PCYT1B: variants seen among roughly 807,000 people sequenced by gnomAD.
The protein encoded by PCYT1B is choline-phosphate cytidylyltransferase B.
In PCYT1B, 10 loss-of-function variants were observed where a neutral mutation model predicts 26.4. The observed-to-expected ratio is 0.38, with a 90% confidence interval of 0.23 to 0.64. The LOEUF (loss-of-function observed/expected upper bound fraction) is 0.64, where lower values mean the gene tolerates loss of function less well. PCYT1B is among the 30% of genes least tolerant of loss of function. The probability of loss-of-function intolerance (pLI) is 0.56; values close to 1 mark genes in which losing one functional copy is unlikely to be tolerated. For synonymous variants in PCYT1B, 131 were observed against 108.4 expected (o/e 1.21, Z -1.29); for missense variants, 161 against 292.7 (o/e 0.55, Z 3.28).
rs772905082 is a variant in PCYT1B at position 24,653,857 on chromosome X, C to T, written c.63+18713G>A. Among the ~76,000 whole-genome samples, 26 of 108,350 alleles carry T rather than the reference C, an allele frequency of 2.4e-4. No individual in the cohort carries two copies. In the South Asian group the frequency reaches 2.4e-3, roughly 10 times the overall value. The allele number at this position is 108,350 out of a possible 115,157, so 94.1% of individuals were successfully genotyped here. A position where few individuals can be genotyped will look rare whatever the true frequency, so the allele number is the denominator to read the frequency against. On this transcript the variant is annotated intron_variant, in intron 1 of 7. Transcript: ENST00000379145. The stretch of plus-strand genomic sequence containing the variant: ...GCAACTTCTGCCTCCTGGTTTCAAG[C>T]GATTCTCCTGCTTCAGCCTCCCAAG...
At chrX:24,671,222 G>C (rs1311888050) in intron 1 of PCYT1B, among the ~76,000 whole-genome samples, 4 of 110,793 alleles carry the variant, frequency 3.6e-5, no homozygotes, top group Non-Finnish European at 5.7e-5. Context: ...CGCCTGCCTA[G>C]GTCTCCCAAA....
chrX:24,629,578 AAAAAAAAAAAAAC>A (rs1399711152), intron 1 of PCYT1B, among the ~76,000 whole-genome samples: 66 of 100,029 alleles, frequency 6.6e-4, no homozygotes, highest in Non-Finnish European at 1.1e-3. Context: ...AAAAAAAAAA[AAAAAAAAAAAAAC>A]AACACGTATT....
intron 5 of PCYT1B, among the ~76,000 whole-genome samples, chrX:24,583,346 C>T (rs1174251712): frequency 1.8e-5 from 2 of 111,613 alleles, no homozygotes; most frequent in Non-Finnish European, 3.8e-5. Flanking sequence ...CGTAAGTGTA[C>T]CACCTGGGAG....
chrX:24,648,922 T>C (rs1926708393), upstream of PCYT1B, among the ~76,000 whole-genome samples: 1 of 111,625 alleles, frequency 9.0e-6, no homozygotes, highest in Non-Finnish European at 1.9e-5. Context: ...TATGCTAATA[T>C]AAGGGGACAT....
intron 2 of PCYT1B, among the ~76,000 whole-genome samples, chrX:24,616,405 T>G (rs1285283107): frequency 3.7e-5 from 4 of 109,411 alleles, no homozygotes; most frequent in African/African-American, 1.3e-4. Flanking sequence ...GCCTGGCTAA[T>G]TTTTTGTATT....
At chrX:24,629,231 C>G (rs1292832896) in intron 1 of PCYT1B, among the ~76,000 whole-genome samples, 2 of 111,635 alleles carry the variant, frequency 1.8e-5, no homozygotes, top group Non-Finnish European at 3.8e-5. Flanking sequence ...AAAACTAAAA[C>G]AAGAGCACAG....
chrX:24,621,870 T>C (rs1925710423), intron 1 of PCYT1B: 2 of 724,445 alleles, frequency 2.8e-6, no homozygotes, highest in African/African-American at 4.7e-5. Flanking sequence ...GGTGTGTTCT[T>C]GATGGTGTGA....
chrX:24,636,803 C>T (rs983847188), intron 1 of PCYT1B, among the ~76,000 whole-genome samples: 10 of 111,643 alleles, frequency 9.0e-5, no homozygotes, highest in Non-Finnish European at 1.5e-4. Flanking sequence ...AATCATGTGG[C>T]GCATATTAGT....
intron 2 of PCYT1B, among the ~76,000 whole-genome samples, chrX:24,611,834 G>A (rs1348528744): frequency 2.7e-5 from 3 of 110,389 alleles, no homozygotes; most frequent in Non-Finnish European, 3.8e-5. Flanking sequence ...TTAGCCTGGC[G>A]TGGTGGCGGA....
rs1923423018 is a variant in PCYT1B at position 24,561,730 on chromosome X, A to G, written c.*563T>C. 1 of 217,497 alleles carries G rather than the reference A, an allele frequency of 4.6e-6. No homozygotes were observed. The allele number at this position is 217,497 out of a possible 1,213,427, so 17.9% of individuals were successfully genotyped here. Reference sequence around the variant, plus strand: ...AAGCAAGGCTTTGTCTATGAGCCACATTCATGGAACTGGAAGGAGCTGATG... The same window carrying G: ...AAGCAAGGCTTTGTCTATGAGCCACGTTCATGGAACTGGAAGGAGCTGATG... On this transcript the variant is annotated 3_prime_UTR_variant, in exon 8 of 8. Coordinates refer to ENST00000379144, the MANE Select transcript of PCYT1B (RefSeq NM_004845.5).
At chrX:24,670,097 AAAGAAAGAAAGAAAGAAAGG>A (rs1454814162) in intron 1 of PCYT1B, among the ~76,000 whole-genome samples, 47 of 68,898 alleles carry the variant, frequency 6.8e-4, no homozygotes, top group East Asian at 3.8e-3. Flanking sequence ...AGAAAGAAAG[AAAGAAAGAAAGAAAGAAAGG>A]AAGGAAGGAA....
intron 3 of PCYT1B, among the ~76,000 whole-genome samples, chrX:24,598,084 G>C (rs945616390): frequency 8.9e-6 from 1 of 111,863 alleles, no homozygotes; most frequent in African/African-American, 3.2e-5. Flanking sequence ...TCTTAGAAAT[G>C]TGACTAGAAT....
chrX:24,647,658 T>C (rs1404805527), upstream of PCYT1B, among the ~76,000 whole-genome samples: 1 of 112,433 alleles, frequency 8.9e-6, no homozygotes, highest in Non-Finnish European at 1.9e-5. Context: ...GATGAGCTAG[T>C]GCATGATGTG....
At chrX:24,567,555 C>A (rs1923672173) in intron 7 of PCYT1B, among the ~76,000 whole-genome samples, 1 of 112,273 alleles carries the variant, frequency 8.9e-6, no homozygotes, top group African/African-American at 3.2e-5. Context: ...TAAGAGGTTT[C>A]CATTTATAAT....
chrX:24,635,271 TA>T (rs762784026), intron 1 of PCYT1B, among the ~76,000 whole-genome samples: 1 of 111,763 alleles, frequency 8.9e-6, no homozygotes, highest in Non-Finnish European at 1.9e-5. Context: ...CATGCTACAG[TA>T]AAACTAGCTG....
chrX:24,605,579 C>G (rs749487534), intron 3 of PCYT1B, among the ~76,000 whole-genome samples: 89 of 112,002 alleles, frequency 7.9e-4, no homozygotes, highest in Non-Finnish European at 1.4e-3. Context: ...ATGGCTGCAT[C>G]CCCAGTGTAC....
At chrX:24,628,303 C>T (rs1925943785) in intron 1 of PCYT1B, among the ~76,000 whole-genome samples, 1 of 111,412 alleles carries the variant, frequency 9.0e-6, no homozygotes, top group Non-Finnish European at 1.9e-5. Context: ...CTACTCATTG[C>T]TATATCCCTA....
intron 1 of PCYT1B, among the ~76,000 whole-genome samples, chrX:24,629,894 C>T (rs1926013640): frequency 9.0e-6 from 1 of 111,510 alleles, no homozygotes; most frequent in Non-Finnish European, 1.9e-5. Flanking sequence ...CTAAAATGTA[C>T]ATTTCTCCCC....
rs762614498 is a variant in PCYT1B, at chrX:24,615,468, CT to C, written c.217+3516del. On this transcript the variant is annotated intron_variant, in intron 2 of 7. Coordinates refer to ENST00000379144, the MANE Select transcript of PCYT1B (RefSeq NM_004845.5). ...GAAGAACTACTTCTCTTGTCCCACA[CT>C]TTTTTTTTTTTTGAGGTGAAGTTTC... Among the ~76,000 whole-genome samples, 222 of 103,522 alleles carry C rather than the reference CT, an allele frequency of 2.1e-3. 1 individual carries two copies. The highest frequency in any genetic ancestry group is 4.8e-3 in the African/African-American group (137 of 28,823). 89.9% of individuals were successfully genotyped at this position (103,522 alleles called of 115,157 possible).
Sources: allele counts gnomAD v4.1 joint callset (sites outside exome capture counted in the v4.1 genomes callset), GRCh38; gene constraint gnomAD v4.1.1; transcripts MANE v1.5; gene names NCBI Gene and HGNC (gene_info 2026-07-23, HGNC 2026-07-21).